Variants in KCNA1 observed in about 807,000 individuals in gnomAD.
KCNA1 encodes the protein potassium voltage-gated channel subfamily A member 1.
Under a neutral mutation model 28.8 loss-of-function variants are expected in KCNA1, and 19 were observed. That is an observed-to-expected ratio of 0.66 (90% CI 0.46 to 0.97). The LOEUF (loss-of-function observed/expected upper bound fraction) is 0.97, where lower values mean the gene tolerates loss of function less well. KCNA1 is among the 50% of genes least tolerant of loss of function. The pLI, the probability that KCNA1 is intolerant of heterozygous loss-of-function variation, is 0.00. For missense variants in KCNA1, 419 were observed against 659.7 expected (o/e 0.64, Z 4.00); for synonymous variants, 311 against 268.8 (o/e 1.16, Z -1.53).
In KCNA1 at chr12:4,911,739, G is replaced by C. The variant is rs1463513823; in HGVS notation, c.361G>C (p.Glu121Gln). 1 of 1,614,150 alleles carries C rather than the reference G, an allele frequency of 6.2e-7. No individual in the cohort carries two copies. The highest frequency in any genetic ancestry group is 2.2e-5 in the East Asian group (1 of 44,862). ...GTTCTCCGAGGAGATCAAGTTTTAC[G>C]AGTTGGGCGAGGAGGCCATGGAGAA... ...DMFSEEIKFY[E>Q]LGEEAMEKFR... Residue 121 changes from glutamate to glutamine, a missense_variant, in exon 2 of 2, where the codon GAG becomes CAG. Glu to Gln is a conservative substitution (Grantham distance 29, BLOSUM62 2). Coordinates refer to ENST00000382545, the MANE Select transcript of KCNA1 (RefSeq NM_000217.3). This position sits in a 1 kb window ranked among gnomAD's most constrained non-coding sequence, Gnocchi z 6.6.
rs1431469866 is a variant in KCNA1, at chr12:4,917,898, C to T, written c.*5032C>T. 11 of 167,128 alleles carry T rather than the reference C, an allele frequency of 6.6e-5. No homozygotes were observed. In the East Asian group the frequency reaches 1.3e-3, roughly 20 times the overall value. 10.4% of individuals were successfully genotyped at this position (167,128 alleles called of 1,614,324 possible). ...AGTAGACAACATGGACTCCATGTGACATGCCTCTAATAGTAAAGATAAAGT... is the reference window on the plus strand; with the variant it reads ...AGTAGACAACATGGACTCCATGTGATATGCCTCTAATAGTAAAGATAAAGT... On this transcript the variant is annotated 3_prime_UTR_variant, in exon 2 of 2. Coordinates refer to ENST00000382545, the MANE Select transcript of KCNA1 (RefSeq NM_000217.3).
rs1303950325 is a variant in KCNA1, at chr12:4,912,775, C to A, written c.1397C>A (p.Ala466Asp). The change falls in exon 2 of 2, where the codon GCC becomes GAC. Residue 466 changes from alanine (A) to aspartate (D), a missense_variant. Coordinates refer to ENST00000382545, the MANE Select transcript of KCNA1 (RefSeq NM_000217.3). ...GAAGAGGATATGAATAATAGCATAG[C>A]CCATTATAGACAGGTCAATATCAGA... ...EIEEDMNNSI[A>D]HYRQVNIRTA... 2 of 1,613,808 alleles carry A rather than the reference C, an allele frequency of 1.2e-6. No homozygotes were observed. The highest frequency in any genetic ancestry group is 1.7e-5 in the Admixed American group (1 of 60,020).
rs756244699 is a variant in KCNA1 at position 4,911,744 on chromosome 12, G to A, written c.366G>A (p.Leu122=). Reference sequence around the variant, plus strand: ...CCGAGGAGATCAAGTTTTACGAGTTGGGCGAGGAGGCCATGGAGAAGTTCC... The same window carrying A: ...CCGAGGAGATCAAGTTTTACGAGTTAGGCGAGGAGGCCATGGAGAAGTTCC... ...MFSEEIKFYE[L]GEEAMEKFRE... is the part of the protein sequence containing the mutation. The change falls in exon 2 of 2, where the codon TTG becomes TTA. Residue 122 remains leucine, a synonymous_variant. Transcript: ENST00000382545. This position sits in a 1 kb window ranked among gnomAD's most constrained non-coding sequence, Gnocchi z 6.6. The A allele has an allele frequency of 1.2e-6, 2 of 1,614,182 alleles. No individual in the cohort carries two copies. The highest frequency in any genetic ancestry group is 8.5e-7 in the Non-Finnish European group (1 of 1,180,040).
Position 4,911,017 on chromosome 12 carries a change from A to G in KCNA1, c.-362A>G. 1 of 287,328 alleles carries G rather than the reference A, an allele frequency of 3.5e-6. No individual in the cohort carries two copies. Among genetic ancestry groups the G allele is most frequent in the Non-Finnish European group, 6.6e-6 (1 of 150,472 alleles). The allele number at this position is 287,328 out of a possible 1,614,324, so 17.8% of individuals were successfully genotyped here. On this transcript the variant is annotated 5_prime_UTR_variant, in exon 2 of 2. An upstream start codon of the reference 5' UTR is lost. Transcript: ENST00000382545. This position sits in a 1 kb window ranked among gnomAD's most constrained non-coding sequence, Gnocchi z 6.6. ...GGAGGCCAGGGCGACCCCCGAAGCAATGGCCCAGTCCGCTAGAACGGCACT... is the reference window on the plus strand; with the variant it reads ...GGAGGCCAGGGCGACCCCCGAAGCAGTGGCCCAGTCCGCTAGAACGGCACT...
At position 4,911,597 on chromosome 12, in the gene KCNA1, C is replaced by T; in HGVS notation, c.219C>T (p.Phe73=). ...ACCCTAAGAAACGCATGCGCTACTT[C>T]GACCCCCTGAGGAACGAGTACTTCT... The part of the protein sequence containing the change: ...LGNPKKRMRY[F]DPLRNEYFFD... Residue 73 remains phenylalanine, a synonymous_variant, in exon 2 of 2, where the codon TTC becomes TTT. Transcript: ENST00000382545. The surrounding 1 kb of genome is among the most constrained non-coding windows in gnomAD (Gnocchi z 6.6). 6.2e-7 allele frequency: 1 copy of T among 1,614,194 alleles called. No individual in the cohort carries two copies. The highest frequency in any genetic ancestry group is 8.5e-7 in the Non-Finnish European group (1 of 1,180,044).
chr12:4,911,939 G>A lies in KCNA1; in HGVS notation c.561G>A (p.Glu187=). Residue 187 remains glutamate, a synonymous_variant, in exon 2 of 2, where the codon GAG becomes GAA. Coordinates refer to ENST00000382545, the MANE Select transcript of KCNA1 (RefSeq NM_000217.3). This position sits in a 1 kb window ranked among gnomAD's most constrained non-coding sequence, Gnocchi z 6.6. The part of the protein sequence containing the change: ...ILISIVIFCL[E]TLPELKDDKD... The stretch of plus-strand genomic sequence containing the variant: ...TCTCCATCGTCATCTTTTGCCTGGA[G>A]ACGCTCCCCGAGCTGAAGGATGACA... 1 of 1,614,034 alleles carries A rather than the reference G, an allele frequency of 6.2e-7. No homozygotes were observed.
In KCNA1 at chr12:4,911,770, G is replaced by C; in HGVS notation, c.392G>C (p.Arg131Pro). The C allele has an allele frequency of 6.2e-7, 1 of 1,613,988 alleles. No homozygotes were observed. The highest frequency in any genetic ancestry group is 8.5e-7 in the Non-Finnish European group (1 of 1,179,946). ...ELGEEAMEKF[R>P]EDEGFIKEEE... ...GGCGAGGAGGCCATGGAGAAGTTCCGGGAGGACGAGGGCTTCATCAAGGAG... is the reference window on the plus strand; with the variant it reads ...GGCGAGGAGGCCATGGAGAAGTTCCCGGAGGACGAGGGCTTCATCAAGGAG... Residue 131 changes from arginine to proline, a missense_variant, in exon 2 of 2, where the codon CGG becomes CCG. By Grantham distance (103) the Arg-to-Pro change is moderately radical. Coordinates refer to ENST00000382545, the MANE Select transcript of KCNA1 (RefSeq NM_000217.3). This position sits in a 1 kb window ranked among gnomAD's most constrained non-coding sequence, Gnocchi z 6.6.
Position 4,911,307 on chromosome 12 carries a change from CA to C in KCNA1, c.-71del. Reference sequence around the variant, plus strand: ...GTGGGGGGGCCGCTTGGGTCCCCCCCACCCCTGGTCCCTGGCTGCTTCCCAC... The same window carrying C: ...GTGGGGGGGCCGCTTGGGTCCCCCCCCCCCTGGTCCCTGGCTGCTTCCCAC... On this transcript the variant is annotated 5_prime_UTR_variant, in exon 2 of 2. Coordinates refer to ENST00000382545, the MANE Select transcript of KCNA1 (RefSeq NM_000217.3). The surrounding 1 kb of genome is among the most constrained non-coding windows in gnomAD (Gnocchi z 6.6). 1 of 1,312,042 alleles carries C rather than the reference CA, an allele frequency of 7.6e-7. No homozygotes were observed. The highest frequency in any genetic ancestry group is 1.1e-6 in the Non-Finnish European group (1 of 928,638). 81.3% of individuals were successfully genotyped at this position (1,312,042 alleles called of 1,614,324 possible). A position where few individuals can be genotyped will look rare whatever the true frequency, so the allele number is the denominator to read the frequency against.
rs1205683818 is a variant in KCNA1 at position 4,913,965 on chromosome 12, C to T, written c.*1099C>T. 2 of 167,072 alleles carry T rather than the reference C, an allele frequency of 1.2e-5. No individual in the cohort carries two copies. The highest frequency in any genetic ancestry group is 2.9e-5 in the Non-Finnish European group (2 of 68,102). The allele number at this position is 167,072 out of a possible 1,614,324, so 10.3% of individuals were successfully genotyped here. A position where few individuals can be genotyped will look rare whatever the true frequency, so the allele number is the denominator to read the frequency against. ...AACTTTTTGGAGCTCAAAGCATGTTCTCTTATTCAGCATTATGGCCTATTT... is the reference window on the plus strand; with the variant it reads ...AACTTTTTGGAGCTCAAAGCATGTTTTCTTATTCAGCATTATGGCCTATTT... On this transcript the variant is annotated 3_prime_UTR_variant, in exon 2 of 2. Coordinates refer to ENST00000382545, the MANE Select transcript of KCNA1 (RefSeq NM_000217.3).
In KCNA1 at chr12:4,912,651, G is replaced by T; in HGVS notation, c.1273G>T (p.Ala425Ser). Residue 425 changes from alanine to serine, a missense_variant, in exon 2 of 2, where the codon GCT becomes TCT. By Grantham distance (99) the Ala-to-Ser change is moderately conservative. Transcript: ENST00000382545. ...CCGAGAAACTGAGGGGGAAGAGCAG[G>T]CTCAGTTGCTCCACGTCAGTTCCCC... ...YHRETEGEEQ[A>S]QLLHVSSPNL... The T allele has an allele frequency of 6.2e-7, 1 of 1,612,114 alleles. No individual in the cohort carries two copies. Among genetic ancestry groups the T allele is most frequent in the South Asian group, 1.1e-5 (1 of 90,992 alleles).
rs1438628380 is a variant in KCNA1, at chr12:4,911,305, C to A, written c.-74C>A. On this transcript the variant is annotated 5_prime_UTR_variant, in exon 2 of 2. Coordinates refer to ENST00000382545, the MANE Select transcript of KCNA1 (RefSeq NM_000217.3). This position sits in a 1 kb window ranked among gnomAD's most constrained non-coding sequence, Gnocchi z 6.6. Reference sequence around the variant, plus strand: ...CGGTGGGGGGGCCGCTTGGGTCCCCCCCACCCCTGGTCCCTGGCTGCTTCC... The same window carrying A: ...CGGTGGGGGGGCCGCTTGGGTCCCCACCACCCCTGGTCCCTGGCTGCTTCC... 7.8e-6 allele frequency: 10 copies of A among 1,284,792 alleles called. No individual in the cohort carries two copies. Among genetic ancestry groups the A allele is most frequent in the Middle Eastern group, 2.6e-4 (1 of 3,810 alleles). 79.6% of individuals were successfully genotyped at this position (1,284,792 alleles called of 1,614,324 possible).
chr12:4,915,583 T>A lies in KCNA1; in HGVS notation c.*2717T>A, dbSNP rs1339783051. On this transcript the variant is annotated 3_prime_UTR_variant, in exon 2 of 2. Transcript: ENST00000382545. Reference sequence around the variant, plus strand: ...GACTACAGGGCATTAAACCCTCCCATGTGATGTCTCCTTCTCGTCTGAACC... The same window carrying A: ...GACTACAGGGCATTAAACCCTCCCAAGTGATGTCTCCTTCTCGTCTGAACC... 6.0e-6 allele frequency: 1 copy of A among 167,132 alleles called. No homozygotes were observed. Among genetic ancestry groups the A allele is most frequent in the East Asian group, 1.9e-4 (1 of 5,208 alleles). 10.4% of individuals were successfully genotyped at this position (167,132 alleles called of 1,614,324 possible).
chr12:4,910,071 G>C lies in KCNA1; in HGVS notation c.-941G>C, dbSNP rs1947339003. ...AGGCTCTCGCCCGCCCGCCTCCTTC[G>C]GGATCGAATCAAGGGCTCCCATAGT... On this transcript the variant is annotated 5_prime_UTR_variant, in exon 1 of 2. Transcript: ENST00000382545. This position sits in a 1 kb window ranked among gnomAD's most constrained non-coding sequence, Gnocchi z 4.9. The C allele has an allele frequency of 1.3e-5, 2 of 152,684 alleles. No individual in the cohort carries two copies. Among genetic ancestry groups the C allele is most frequent in the African/African-American group, 4.8e-5 (2 of 41,456 alleles). The allele number at this position is 152,684 out of a possible 1,614,324, so 9.5% of individuals were successfully genotyped here.
rs1465836022 is a variant in KCNA1 at position 4,912,902 on chromosome 12, G to A, written c.*36G>A. 1 of 1,459,904 alleles carries A rather than the reference G, an allele frequency of 6.8e-7. No homozygotes were observed. The highest frequency in any genetic ancestry group is 1.1e-5 in the South Asian group (1 of 87,746). 90.4% of individuals were successfully genotyped at this position (1,459,904 alleles called of 1,614,324 possible). A position where few individuals can be genotyped will look rare whatever the true frequency, so the allele number is the denominator to read the frequency against. On this transcript the variant is annotated 3_prime_UTR_variant, in exon 2 of 2. Coordinates refer to ENST00000382545, the MANE Select transcript of KCNA1 (RefSeq NM_000217.3). ...CAAGCAAACAAAAAAGCCCCACTTAGCAGCTCAAAAGACTTAAAAAACAAA... is the reference window on the plus strand; with the variant it reads ...CAAGCAAACAAAAAAGCCCCACTTAACAGCTCAAAAGACTTAAAAAACAAA...
In KCNA1 at chr12:4,913,226, A is replaced by G. The variant is rs1017459301; in HGVS notation, c.*360A>G. On this transcript the variant is annotated 3_prime_UTR_variant, in exon 2 of 2. Coordinates refer to ENST00000382545, the MANE Select transcript of KCNA1 (RefSeq NM_000217.3). The stretch of plus-strand genomic sequence containing the variant: ...ATGCTTTGGTTTCTTTAACTTTTTT[A>G]AAAACTCAGAACAAGATGATCACTT... 2 of 301,988 alleles carry G rather than the reference A, an allele frequency of 6.6e-6. No homozygotes were observed. The highest frequency in any genetic ancestry group is 1.0e-4 in the Admixed American group (2 of 19,814). The allele number at this position is 301,988 out of a possible 1,614,324, so 18.7% of individuals were successfully genotyped here. A position where few individuals can be genotyped will look rare whatever the true frequency, so the allele number is the denominator to read the frequency against.
At position 4,913,728 on chromosome 12, in the gene KCNA1, G is replaced by A. The variant is rs1271959523; in HGVS notation, c.*862G>A. On this transcript the variant is annotated 3_prime_UTR_variant, in exon 2 of 2. Coordinates refer to ENST00000382545, the MANE Select transcript of KCNA1 (RefSeq NM_000217.3). ...AGAGCACAAATGAAGTTAAATGTAA[G>A]CATGTTTGAATCTGATACAATTTAT... The A allele has an allele frequency of 1.2e-5, 2 of 167,048 alleles. No individual in the cohort carries two copies. Among genetic ancestry groups the A allele is most frequent in the Admixed American group, 6.5e-5 (1 of 15,292 alleles). 10.3% of individuals were successfully genotyped at this position (167,048 alleles called of 1,614,324 possible).
chr12:4,912,784 G>A lies in KCNA1; in HGVS notation c.1406G>A (p.Arg469Lys), dbSNP rs1225368736. The A allele has an allele frequency of 1.9e-6, 3 of 1,614,052 alleles. No individual in the cohort carries two copies. Among genetic ancestry groups the A allele is most frequent in the East Asian group, 4.5e-5 (2 of 44,884 alleles). Residue 469 changes from arginine (R) to lysine (K), a missense_variant, in exon 2 of 2, where the codon AGA becomes AAA. Arg to Lys is a conservative substitution (Grantham distance 26). This residue lies in a region of KCNA1 where 81 missense variants were observed against 86.5 expected (regional missense o/e 0.94). Coordinates refer to ENST00000382545, the MANE Select transcript of KCNA1 (RefSeq NM_000217.3). ...ATGAATAATAGCATAGCCCATTATA[G>A]ACAGGTCAATATCAGAACTGCCAAT... Reference protein sequence around the residue: ...EDMNNSIAHYRQVNIRTANCT... With the variant: ...EDMNNSIAHYKQVNIRTANCT...
At position 4,913,241 on chromosome 12, in the gene KCNA1, G is replaced by C; in HGVS notation, c.*375G>C. The C allele has an allele frequency of 3.5e-6, 1 of 286,664 alleles. No individual in the cohort carries two copies. Among genetic ancestry groups the C allele is most frequent in the South Asian group, 4.1e-5 (1 of 24,392 alleles). The allele number at this position is 286,664 out of a possible 1,614,324, so 17.8% of individuals were successfully genotyped here. A position where few individuals can be genotyped will look rare whatever the true frequency, so the allele number is the denominator to read the frequency against. On this transcript the variant is annotated 3_prime_UTR_variant, in exon 2 of 2. Coordinates refer to ENST00000382545, the MANE Select transcript of KCNA1 (RefSeq NM_000217.3). ...TAACTTTTTTAAAAACTCAGAACAA[G>C]ATGATCACTTAGAAATATGAAATTG... is the stretch of plus-strand genomic sequence containing the variant.
Position 4,911,377 on chromosome 12 carries a change from C to T in KCNA1, c.-2C>T. On this transcript the variant is annotated 5_prime_UTR_variant, in exon 2 of 2. Transcript: ENST00000382545. This position sits in a 1 kb window ranked among gnomAD's most constrained non-coding sequence, Gnocchi z 6.6. ...CTCCCACCCCCGCGCCCGGCTTCCA[C>T]CATGACGGTGATGTCTGGGGAGAAC... 1 of 1,612,038 alleles carries T rather than the reference C, an allele frequency of 6.2e-7. No individual in the cohort carries two copies. The highest frequency in any genetic ancestry group is 1.1e-5 in the South Asian group (1 of 90,994).
Sources: allele counts gnomAD v4.1 joint callset, GRCh38; gene constraint gnomAD v4.1.1; regional missense constraint gnomAD v4.1.1; non-coding constraint Gnocchi (gnomAD v3.1); transcripts MANE v1.5; gene names NCBI Gene and HGNC (gene_info 2026-07-23, HGNC 2026-07-21).